The following TAFA5 variants were observed in gnomAD, a reference collection of about 807,000 sequenced individuals.
The protein encoded by TAFA5 is chemokine-like protein TAFA-5.
In TAFA5, 6 loss-of-function variants were observed where a neutral mutation model predicts 15.3. The ratio of observed to expected loss-of-function variants is 0.39; its 90% CI spans 0.21 to 0.77. The LOEUF is 0.77. Among genes scored for constraint, TAFA5 ranks in the 30% least tolerant of loss-of-function variants. The probability of loss-of-function intolerance (pLI) is 0.41; values close to 1 mark genes in which losing one functional copy is unlikely to be tolerated. For missense variants in TAFA5, 161 were observed against 193.1 expected, an observed-to-expected ratio of 0.83 and a Z score of 0.98; for synonymous variants, 103 against 80.7, an observed-to-expected ratio of 1.28 and a Z score of -1.48.
intron 1 of TAFA5, among the ~76,000 whole-genome samples, chr22:48,585,077 A>G (rs1924293793): frequency 6.8e-6 from 1 of 147,682 alleles, no homozygotes; most frequent in Non-Finnish European, 1.5e-5. Flanking sequence ...CACACAGCAT[A>G]CACTACACAC....
intron 1 of TAFA5, among the ~76,000 whole-genome samples, chr22:48,542,394 T>C (rs1160472275): frequency 2.0e-4 from 24 of 122,714 alleles, no homozygotes; most frequent in Non-Finnish European, 3.2e-4. Flanking sequence ...GTGTGTGGTG[T>C]GTGTGTGCGT....
At chr22:48,697,964 A>T (rs1053631149) in intron 2 of TAFA5, among the ~76,000 whole-genome samples, 2 of 149,654 alleles carry the variant, frequency 1.3e-5, no homozygotes, top group African/African-American at 4.9e-5. Flanking sequence ...GATGATGGTG[A>T]TGATGGTCCT....
chr22:48,568,710 C>T (rs552508033), intron 1 of TAFA5, among the ~76,000 whole-genome samples: 254 of 152,342 alleles, frequency 1.7e-3, no homozygotes, highest in African/African-American at 5.8e-3. Flanking sequence ...GGTCTGGTCA[C>T]AACGGTGGCT....
intron 3 of TAFA5, among the ~76,000 whole-genome samples, chr22:48,724,708 C>T (rs114576142): frequency 0.012 from 1,832 of 152,346 alleles, 36 homozygotes; most frequent in African/African-American, 0.042. Context: ...ATGACAGTGA[C>T]CTCCTGTAAT....
At chr22:48,641,061 C>T (rs921939792) in intron 1 of TAFA5, among the ~76,000 whole-genome samples, 1 of 120,172 alleles carries the variant, frequency 8.3e-6, no homozygotes, top group Non-Finnish European at 1.7e-5. Context: ...CGTGGGGGCA[C>T]CGTGGCCCTT....
At chr22:48,635,340 T>C (rs1390104074) in intron 1 of TAFA5, among the ~76,000 whole-genome samples, 1 of 151,978 alleles carries the variant, frequency 6.6e-6, no homozygotes, top group Admixed American at 6.6e-5. Flanking sequence ...CTGAGGCTGG[T>C]AGAGGCCTGG....
chr22:48,646,505 G>C, intron 1 of TAFA5, 92 bp from the exon 2 acceptor site: 2 of 1,492,656 alleles, frequency 1.3e-6, no homozygotes, highest in Non-Finnish European at 1.8e-6. Flanking sequence ...CCTGGCTGCT[G>C]GGGGCCCCTC....
intron 2 of TAFA5, among the ~76,000 whole-genome samples, chr22:48,661,532 T>C (rs1337657871): frequency 6.6e-6 from 1 of 152,234 alleles, no homozygotes; most frequent in Middle Eastern, 3.2e-3. Context: ...TCAGACATTC[T>C]GCTCATCTCC....
chr22:48,505,067 A>G (rs1289854587), intron 1 of TAFA5, among the ~76,000 whole-genome samples: 1 of 152,200 alleles, frequency 6.6e-6, no homozygotes, highest in East Asian at 1.9e-4. Context: ...TCGGGCACCC[A>G]TCTCTCAGGA....
At chr22:48,618,361 C>T (rs1055912969) in intron 1 of TAFA5, among the ~76,000 whole-genome samples, 12 of 152,230 alleles carry the variant, frequency 7.9e-5, no homozygotes, top group African/African-American at 2.4e-4. Context: ...TCATATTTAC[C>T]TTTGTGGGAT....
rs542573559 is a variant in TAFA5 at position 48,586,183 on chromosome 22, G to A, written c.113-60414G>A. Among the ~76,000 whole-genome samples the A allele has an allele frequency of 1.2e-4, 19 of 152,386 alleles. No homozygotes were observed. The East Asian group carries it at 2.9e-3, about 23-fold the overall frequency. The stretch of plus-strand genomic sequence containing the variant: ...GTGTGGCCCAGTGAGGTCAAGGGAG[G>A]GTGCAGATCCCAGAGGATAGCAGGA... On this transcript the variant is annotated intron_variant, in intron 1 of 3. Coordinates refer to ENST00000402357, the MANE Select transcript of TAFA5 (RefSeq NM_001082967.3).
chr22:48,496,502 T>A (rs5767172), intron 1 of TAFA5, among the ~76,000 whole-genome samples: 2 of 151,942 alleles, frequency 1.3e-5, no homozygotes, highest in South Asian at 2.1e-4. Context: ...GTGGAAACCC[T>A]TCTATACAAT....
chr22:48,691,809 C>T (rs1248253353), intron 2 of TAFA5, among the ~76,000 whole-genome samples: 1 of 152,192 alleles, frequency 6.6e-6, no homozygotes, highest in Non-Finnish European at 1.5e-5. Context: ...CGTGGGATGG[C>T]GAGGTGCTGC....
chr22:48,691,245 T>G (rs905163154), intron 2 of TAFA5, among the ~76,000 whole-genome samples: 1 of 152,166 alleles, frequency 6.6e-6, no homozygotes, highest in African/African-American at 2.4e-5. Flanking sequence ...TTCCCTTGTT[T>G]GCCAAGTAGG....
chr22:48,576,039 A>ACCCCCCCCCCCCC lies in TAFA5; in HGVS notation c.113-70556_113-70544dup, dbSNP rs535068094. On this transcript the variant is annotated intron_variant, in intron 1 of 3. Coordinates refer to ENST00000402357, the MANE Select transcript of TAFA5 (RefSeq NM_001082967.3). ...GAGGAGGGGGCCGGGGCCGCGCCGG[A>ACCCCCCCCCCCCC]CCCCCCCCCCCCCCGCGCCGCCCGG... is the stretch of plus-strand genomic sequence containing the variant. Among the ~76,000 whole-genome samples, 9 of 31,430 alleles carry ACCCCCCCCCCCCC rather than the reference A, an allele frequency of 2.9e-4. 2 individuals are homozygous for ACCCCCCCCCCCCC. The highest frequency in any genetic ancestry group is 1.2e-3 in the African/African-American group (5 of 4,258). The allele number at this position is 31,430 out of a possible 152,430, so 20.6% of individuals were successfully genotyped here. A position where few individuals can be genotyped will look rare whatever the true frequency, so the allele number is the denominator to read the frequency against.
intron 1 of TAFA5, among the ~76,000 whole-genome samples, chr22:48,518,083 C>G (rs561736656): frequency 3.3e-4 from 50 of 152,340 alleles, no homozygotes; most frequent in African/African-American, 1.1e-3. Flanking sequence ...AAGAATCCCC[C>G]AGGCCCACCA....
chr22:48,677,293 G>A (rs1381043405), intron 2 of TAFA5, among the ~76,000 whole-genome samples: 2 of 152,250 alleles, frequency 1.3e-5, no homozygotes, highest in East Asian at 3.9e-4. Context: ...CTGCCCGCCC[G>A]CTGTGCTCCC....
At chr22:48,522,567 A>G (rs1406168530) in intron 1 of TAFA5, among the ~76,000 whole-genome samples, 1 of 152,104 alleles carries the variant, frequency 6.6e-6, no homozygotes, top group East Asian at 1.9e-4. Flanking sequence ...GGGCCAGGCA[A>G]GGTTAGGCCC....
intron 1 of TAFA5, among the ~76,000 whole-genome samples, chr22:48,540,875 TAAAAA>T (rs34844674): frequency 7.7e-6 from 1 of 129,858 alleles, no homozygotes. Flanking sequence ...TCATTGACAG[TAAAAA>T]AAAAAAAAAA....
Sources: allele counts gnomAD v4.1 joint callset (sites outside exome capture counted in the v4.1 genomes callset), GRCh38; gene constraint gnomAD v4.1.1; transcripts MANE v1.5; gene names NCBI Gene and HGNC (gene_info 2026-07-23, HGNC 2026-07-21).